Variants in ABTB3 observed in about 807,000 individuals in gnomAD.
ABTB3 encodes ankyrin repeat- and BTB/POZ domain-containing protein 3.
At chr12:107,640,527 A>C in the ABTB3 span, 1 of 620,272 alleles carries the variant, frequency 1.6e-6, no homozygotes, top group Non-Finnish European at 2.8e-6. Context: ...TCATCTTCAC[A>C]AAATCAAGAA....
chr12:107,632,475 A>G, the ABTB3 span, among the ~76,000 whole-genome samples: 16 of 152,228 alleles, frequency 1.1e-4, no homozygotes, highest in Non-Finnish European at 2.2e-4. Flanking sequence ...ATGACCAGCC[A>G]GTACTTACCA....
the ABTB3 span, among the ~76,000 whole-genome samples, chr12:107,490,614 T>C: frequency 2.0e-5 from 3 of 152,074 alleles, no homozygotes; most frequent in African/African-American, 7.2e-5. Context: ...AACTGCAAAA[T>C]AAAAACAACC....
At chr12:107,445,428 A>G in the ABTB3 span, among the ~76,000 whole-genome samples, 1 of 152,216 alleles carries the variant, frequency 6.6e-6, no homozygotes, top group Non-Finnish European at 1.5e-5. Context: ...AAACTCATAA[A>G]TTAGCATTTA....
the ABTB3 span, among the ~76,000 whole-genome samples, chr12:107,511,420 C>T: frequency 6.6e-6 from 1 of 152,196 alleles, no homozygotes; most frequent in East Asian, 1.9e-4. Flanking sequence ...TGGCCAGGCT[C>T]ACATATGAGT....
At chr12:107,442,417 G>A in the ABTB3 span, among the ~76,000 whole-genome samples, 3 of 152,170 alleles carry the variant, frequency 2.0e-5, no homozygotes, top group South Asian at 2.1e-4. Context: ...GTTGGAAACC[G>A]AACATTTTTT....
At chr12:107,359,632 C>T in the ABTB3 span, among the ~76,000 whole-genome samples, 1 of 152,160 alleles carries the variant, frequency 6.6e-6, no homozygotes, top group Non-Finnish European at 1.5e-5. Flanking sequence ...TCTTGGTGGA[C>T]TGCACTCAGT....
At chr12:107,656,407 C>T in the ABTB3 span, among the ~76,000 whole-genome samples, 3 of 152,182 alleles carry the variant, frequency 2.0e-5, no homozygotes, top group Non-Finnish European at 2.9e-5. Context: ...TTCAACTTTC[C>T]AGACCACACA....
chr12:107,542,236 C>T, the ABTB3 span, among the ~76,000 whole-genome samples: 52 of 147,808 alleles, frequency 3.5e-4, no homozygotes, highest in African/African-American at 1.2e-3. Context: ...TGCTTGAACC[C>T]GGGAGGCAGG....
At chr12:107,640,296 C>T in the ABTB3 span, 12 of 1,447,616 alleles carry the variant, frequency 8.3e-6, no homozygotes, top group Middle Eastern at 1.9e-4. Context: ...CCTTTTTTTC[C>T]CTTTCCTATT....
At chr12:107,452,581 T>C in the ABTB3 span, among the ~76,000 whole-genome samples, 1 of 151,702 alleles carries the variant, frequency 6.6e-6, no homozygotes, top group Non-Finnish European at 1.5e-5. Context: ...CCAGGCGCAG[T>C]GGCTCACACC....
chr12:107,396,578 A>G, the ABTB3 span, among the ~76,000 whole-genome samples: 2 of 99,816 alleles, frequency 2.0e-5, no homozygotes, highest in Non-Finnish European at 3.8e-5. Flanking sequence ...AGTGACAAAG[A>G]TGAATTTTTT....
At chr12:107,648,614 C>A in the ABTB3 span, among the ~76,000 whole-genome samples, 5 of 152,154 alleles carry the variant, frequency 3.3e-5, no homozygotes, top group African/African-American at 1.2e-4. Context: ...CCGACTAGGG[C>A]CATTGACATC....
the ABTB3 span, among the ~76,000 whole-genome samples, chr12:107,604,006 A>G: frequency 6.6e-6 from 1 of 152,032 alleles, no homozygotes; most frequent in Admixed American, 6.5e-5. Flanking sequence ...CATCTCTACT[A>G]AAAATACAAA....
chr12:107,620,215 G>A, the ABTB3 span: 2 of 1,597,692 alleles, frequency 1.3e-6, no homozygotes, highest in Non-Finnish European at 1.7e-6. Flanking sequence ...CAAAGCTGGA[G>A]GTTCCCAGAT....
the ABTB3 span, among the ~76,000 whole-genome samples, chr12:107,429,633 C>A: frequency 6.6e-6 from 1 of 152,324 alleles, no homozygotes; most frequent in South Asian, 2.1e-4. Flanking sequence ...ATGGTGGGTT[C>A]TGAGAGGTTT....
chr12:107,635,249 C>T, the ABTB3 span: 27 of 1,585,102 alleles, frequency 1.7e-5, no homozygotes, highest in Non-Finnish European at 2.2e-5. Flanking sequence ...CTGGCCACAG[C>T]CCCCTGTATC....
chr12:107,622,874 G>C, the ABTB3 span, among the ~76,000 whole-genome samples: 5 of 152,080 alleles, frequency 3.3e-5, no homozygotes, highest in African/African-American at 1.2e-4. Context: ...AGGCATATTC[G>C]TCCCACCATT....
At chr12:107,497,837 T>A in the ABTB3 span, among the ~76,000 whole-genome samples, 2 of 152,178 alleles carry the variant, frequency 1.3e-5, no homozygotes, top group African/African-American at 4.8e-5. Context: ...ATTGACTCAT[T>A]CCCACCTCAA....
At chr12:107,508,878 T>A in the ABTB3 span, among the ~76,000 whole-genome samples, 1 of 152,210 alleles carries the variant, frequency 6.6e-6, no homozygotes, top group Non-Finnish European at 1.5e-5. Flanking sequence ...GAAAGGCTTT[T>A]CAGAGAACTT....
Sources: gnomAD v4.1 joint callset for allele counts (sites outside exome capture counted in the v4.1 genomes callset) on GRCh38, gnomAD v4.1.1 for gene constraint, MANE v1.5 for transcripts, NCBI Gene and HGNC (gene_info 2026-07-23, HGNC 2026-07-21) for gene names.